CACNA1E: variants seen among roughly 807,000 people sequenced by gnomAD.
The protein encoded by CACNA1E is calcium voltage-gated channel subunit alpha1 E, also known as voltage-dependent R-type calcium channel subunit alpha-1E.
Under a neutral mutation model 259.2 loss-of-function variants are expected in CACNA1E, and 40 were observed. The observed-to-expected ratio is 0.15, with a 90% CI of 0.12 to 0.20. The LOEUF (loss-of-function observed/expected upper bound fraction) is 0.20. CACNA1E is among the 10% of genes least tolerant of loss of function. The probability of loss-of-function intolerance (pLI) is 1.00; values close to 1 mark genes in which losing one functional copy is unlikely to be tolerated. For synonymous variants in CACNA1E, 1,104 were observed against 1,138.5 expected, an observed-to-expected ratio of 0.97 and a Z score of 0.61; for missense variants, 1,874 against 3,040.1, an observed-to-expected ratio of 0.62 and a Z score of 9.02.
At chr1:181,409,679 G>A (rs60525979) in intron 1 of CACNA1E, among the ~76,000 whole-genome samples, 3,898 of 152,206 alleles carry the variant, frequency 0.026, 165 homozygotes, top group African/African-American at 0.088. Flanking sequence ...TTGAGATCTC[G>A]GCTTGGTGCT....
chr1:181,736,434 C>T lies in CACNA1E; in HGVS notation c.3422C>T (p.Pro1141Leu). ...ATGTTCATCTTCAGCACCACCAACCCGTAAGCCACCCTCGCGTTGCTCCCT... is the reference window on the plus strand; with the variant it reads ...ATGTTCATCTTCAGCACCACCAACCTGTAAGCCACCCTCGCGTTGCTCCCT... Reference protein sequence around the residue: ...SSMFIFSTTNPIRRACHYIVN... With the variant: ...SSMFIFSTTNLIRRACHYIVN... Residue 1141 changes from proline to leucine, a missense_variant and splice_region_variant, in exon 22 of 48, where the codon CCG becomes CTG. By Grantham distance (98) the Pro-to-Leu change is moderately conservative. Coordinates refer to ENST00000367573, the MANE Select transcript of CACNA1E (RefSeq NM_001205293.3). The T allele has an allele frequency of 2.5e-6, 4 of 1,611,436 alleles. No individual in the cohort carries two copies. Among genetic ancestry groups the T allele is most frequent in the Non-Finnish European group, 3.4e-6 (4 of 1,178,806 alleles).
At chr1:181,616,392 C>T (rs1655212650) in intron 6 of CACNA1E, among the ~76,000 whole-genome samples, 1 of 151,782 alleles carries the variant, frequency 6.6e-6, no homozygotes, top group Non-Finnish European at 1.5e-5. Context: ...TAATTTAACA[C>T]AGTGGAGAAT....
chr1:181,426,337 C>G (rs1659197099), intron 2 of CACNA1E, among the ~76,000 whole-genome samples: 1 of 151,956 alleles, frequency 6.6e-6, no homozygotes, highest in South Asian at 2.1e-4. Flanking sequence ...TCCTCCTCAT[C>G]TGAACCCTTC....
chr1:181,383,244 TC>T (rs1655596118), intron 1 of CACNA1E, among the ~76,000 whole-genome samples: 2 of 152,210 alleles, frequency 1.3e-5, no homozygotes, highest in South Asian at 4.1e-4. Context: ...ACTTCTTTAT[TC>T]CCCACAGCCC....
intron 6 of CACNA1E, among the ~76,000 whole-genome samples, chr1:181,648,042 T>A (rs1220548532): frequency 6.6e-6 from 1 of 152,246 alleles, no homozygotes; most frequent in East Asian, 1.9e-4. Flanking sequence ...TTCCCAGCTA[T>A]GCTTTTCTCC....
Position 181,718,655 on chromosome 1 carries a change from CA to C in CACNA1E, c.1638+489del, listed in dbSNP as rs1558302801. On this transcript the variant is annotated intron_variant, in intron 12 of 47. Transcript: ENST00000367573. Reference sequence around the variant, plus strand: ...ACACACACACACACACACACACACACACACACACACACCCTTATATTAGCAA... The same window carrying C: ...ACACACACACACACACACACACACACCACACACACACCCTTATATTAGCAA... Among the ~76,000 whole-genome samples, 578 of 151,058 alleles carry C rather than the reference CA, an allele frequency of 3.8e-3. 8 individuals are homozygous for C. The highest frequency in any genetic ancestry group is 0.013 in the African/African-American group (512 of 40,760).
intron 6 of CACNA1E, among the ~76,000 whole-genome samples, chr1:181,628,189 A>T (rs560435023): frequency 4.6e-5 from 7 of 152,308 alleles, no homozygotes; most frequent in African/African-American, 1.4e-4. Flanking sequence ...CTGCTGATTC[A>T]GGACTGATCA....
chr1:181,771,431 G>C, intron 36 of CACNA1E, 47 bp downstream of exon 36: 3 of 998,114 alleles, frequency 3.0e-6, no homozygotes, highest in Non-Finnish European at 4.7e-6. Context: ...CTGATGGAGG[G>C]AGAGAGAGTT....
intron 1 of CACNA1E, among the ~76,000 whole-genome samples, chr1:181,354,264 G>A (rs574533690): frequency 1.1e-4 from 16 of 151,976 alleles, no homozygotes; most frequent in Non-Finnish European, 2.1e-4. Flanking sequence ...CGTGAGCCAG[G>A]CACATTCTGG....
In CACNA1E at chr1:181,325,336, C is replaced by T. The variant is rs1003268550; in HGVS notation, c.-15+7213C>T. Among the ~76,000 whole-genome samples the T allele has an allele frequency of 7.2e-5, 11 of 152,238 alleles. No individual in the cohort carries two copies. The South Asian group carries it at 8.3e-4, about 11-fold the overall frequency. ...CTTAGACCCTAGAGCTCAGACCTCACGGCCCTTCCCCAGGGCCACAAGACC... is the reference window on the plus strand; with the variant it reads ...CTTAGACCCTAGAGCTCAGACCTCATGGCCCTTCCCCAGGGCCACAAGACC... On this transcript the variant is annotated intron_variant, in intron 1 of 11. Transcript: ENST00000524607.
At chr1:181,523,938 G>A (rs1402791108) in intron 3 of CACNA1E, among the ~76,000 whole-genome samples, 1 of 152,238 alleles carries the variant, frequency 6.6e-6, no homozygotes, top group Non-Finnish European at 1.5e-5. Context: ...TGGAGTTCAC[G>A]AGATATATGG....
intron 6 of CACNA1E, among the ~76,000 whole-genome samples, chr1:181,614,358 C>A (rs1196843276): frequency 6.6e-6 from 1 of 152,206 alleles, no homozygotes; most frequent in Non-Finnish European, 1.5e-5. Context: ...TTCTTGGGAA[C>A]ACTTCCAGCA....
intron 30 of CACNA1E, 59 bp from the exon 31 acceptor site, chr1:181,757,888 C>A (rs1658224079): frequency 1.3e-6 from 2 of 1,564,230 alleles, no homozygotes; most frequent in South Asian, 1.2e-5. Context: ...TGGAACAGAG[C>A]CTGCCATGGT....
intron 7 of CACNA1E, among the ~76,000 whole-genome samples, chr1:181,705,713 G>A (rs750021163): frequency 1.3e-5 from 2 of 152,200 alleles, no homozygotes; most frequent in East Asian, 1.9e-4. Flanking sequence ...AATGAAACAC[G>A]ACTTGGATTT....
intron 3 of CACNA1E, among the ~76,000 whole-genome samples, chr1:181,522,350 A>G (rs1347497705): frequency 6.6e-6 from 1 of 152,164 alleles, no homozygotes; most frequent in Non-Finnish European, 1.5e-5. Flanking sequence ...AGCATCTCCT[A>G]CTGATTCAAA....
chr1:181,442,739 C>A (rs1391685563), intron 2 of CACNA1E, among the ~76,000 whole-genome samples: 1 of 152,212 alleles, frequency 6.6e-6, no homozygotes, highest in Non-Finnish European at 1.5e-5. Flanking sequence ...CCCTCAATTT[C>A]AAGCCCTTCC....
At chr1:181,677,204 A>G (rs535835951) in intron 7 of CACNA1E, among the ~76,000 whole-genome samples, 28 of 152,260 alleles carry the variant, frequency 1.8e-4, no homozygotes, top group African/African-American at 6.7e-4. Flanking sequence ...TAGAAGATAG[A>G]TGATAGATCT....
chr1:181,331,201 G>A (rs1272329945), intron 1 of CACNA1E, among the ~76,000 whole-genome samples: 1 of 152,038 alleles, frequency 6.6e-6, no homozygotes, highest in Non-Finnish European at 1.5e-5. Flanking sequence ...TCCCCAGAGA[G>A]AGAATCAATA....
intron 6 of CACNA1E, among the ~76,000 whole-genome samples, chr1:181,622,642 C>A (rs1434628879): frequency 6.6e-6 from 1 of 152,188 alleles, no homozygotes; most frequent in Middle Eastern, 3.2e-3. Context: ...GATTTTTAAA[C>A]CACATCACCT....
Sources: gnomAD v4.1 joint callset for allele counts (sites outside exome capture counted in the v4.1 genomes callset) on GRCh38, gnomAD v4.1.1 for gene constraint, MANE v1.5 for transcripts, NCBI Gene and HGNC (gene_info 2026-07-23, HGNC 2026-07-21) for gene names.